ERC2: variants seen among roughly 807,000 people sequenced by gnomAD.
ERC2 encodes ELKS/RAB6-interacting/CAST family member 2.
A neutral mutation model predicts 114.8 loss-of-function variants in ERC2; 42 were observed. The ratio of observed to expected loss-of-function variants is 0.37; its 90% confidence interval spans 0.29 to 0.47. The LOEUF is 0.47. Among genes scored for constraint, ERC2 ranks in the 20% least tolerant of loss-of-function variants. ERC2 has a pLI of 0.99. For synonymous variants in ERC2, 454 were observed against 425.5 expected (o/e 1.07, Z -0.82); for missense variants, 939 against 1,150.7 (o/e 0.82, Z 2.66).
At chr3:56,207,872 A>C (rs956041941) in intron 3 of ERC2, among the ~76,000 whole-genome samples, 2 of 152,160 alleles carry the variant, frequency 1.3e-5, no homozygotes, top group African/African-American at 4.8e-5. Flanking sequence ...TACTTGGAGA[A>C]CTGCACACTT....
At chr3:56,209,686 T>C (rs2048944294) in intron 3 of ERC2, among the ~76,000 whole-genome samples, 1 of 152,188 alleles carries the variant, frequency 6.6e-6, no homozygotes, top group African/African-American at 2.4e-5. Flanking sequence ...AGGGTCTGTC[T>C]GGGGACCCAG....
At chr3:56,383,824 C>T (rs954919989) in intron 2 of ERC2, among the ~76,000 whole-genome samples, 2 of 152,188 alleles carry the variant, frequency 1.3e-5, no homozygotes, top group Non-Finnish European at 2.9e-5. Flanking sequence ...TGAAGCTCCA[C>T]ACCCATTGAA....
rs1016837398 is a variant in ERC2, at chr3:55,769,021, G to A, written c.2565-34103C>T. Among the ~76,000 whole-genome samples, 7 of 152,068 alleles carry A rather than the reference G, an allele frequency of 4.6e-5. No homozygotes were observed. In the South Asian group the frequency reaches 6.2e-4, roughly 14 times the overall value. On this transcript the variant is annotated intron_variant, in intron 14 of 17. Coordinates refer to ENST00000288221, the MANE Select transcript of ERC2 (RefSeq NM_015576.3). ...GACATTGGATTGCATGGGCTCTAAG[G>A]TCCCTTTGGCTCTGAAATTTTAACA...
intron 10 of ERC2, among the ~76,000 whole-genome samples, chr3:55,993,870 C>T (rs1472300875): frequency 1.3e-5 from 2 of 151,952 alleles, no homozygotes; most frequent in African/African-American, 4.8e-5. Flanking sequence ...AGCTAACATA[C>T]CTTTAGGAGT....
intron 2 of ERC2, among the ~76,000 whole-genome samples, chr3:56,313,828 C>T (rs2150403251): frequency 6.6e-6 from 1 of 152,254 alleles, no homozygotes; most frequent in Middle Eastern, 3.4e-3. Context: ...GCTTAAAGGT[C>T]CACAGCAACC....
intron 3 of ERC2, among the ~76,000 whole-genome samples, chr3:56,264,700 G>A (rs1375025356): frequency 6.6e-6 from 1 of 150,732 alleles, no homozygotes; most frequent in East Asian, 1.9e-4. Context: ...CCTACATGTA[G>A]AAAGCCCTAT....
chr3:56,381,924 C>CA (rs1424928042), intron 2 of ERC2, among the ~76,000 whole-genome samples: 9 of 152,132 alleles, frequency 5.9e-5, no homozygotes, highest in African/African-American at 2.2e-4. Flanking sequence ...CCTATACCCT[C>CA]AACCTCTTCG....
At chr3:55,999,476 T>C (rs1013929258) in intron 10 of ERC2, among the ~76,000 whole-genome samples, 2 of 152,020 alleles carry the variant, frequency 1.3e-5, no homozygotes, top group Admixed American at 1.3e-4. Flanking sequence ...TCAGACAGAA[T>C]TGACTATAAA....
chr3:56,194,470 G>A (rs12486927), intron 3 of ERC2, among the ~76,000 whole-genome samples: 19,199 of 151,990 alleles, frequency 0.13, 1,512 homozygotes, highest in African/African-American at 0.21. Context: ...AACAAAGAAA[G>A]CCAAAGGCAT....
chr3:56,091,837 T>C (rs932987824), intron 6 of ERC2, among the ~76,000 whole-genome samples: 1 of 152,186 alleles, frequency 6.6e-6, no homozygotes, highest in Non-Finnish European at 1.5e-5. Flanking sequence ...ATGTCAATGA[T>C]GTATTTATCC....
At chr3:56,238,213 G>A (rs7638923) in intron 3 of ERC2, among the ~76,000 whole-genome samples, 78 of 152,316 alleles carry the variant, frequency 5.1e-4, no homozygotes, top group African/African-American at 1.7e-3. Flanking sequence ...ACTCCAGACC[G>A]GAGGGTGCTG....
At chr3:56,377,442 T>C (rs1432975779) in intron 2 of ERC2, among the ~76,000 whole-genome samples, 1 of 152,206 alleles carries the variant, frequency 6.6e-6, no homozygotes, top group Non-Finnish European at 1.5e-5. Context: ...ATTAAGATTG[T>C]TGCCATAAAT....
intron 17 of ERC2, among the ~76,000 whole-genome samples, chr3:55,638,779 C>T (rs1217391179): frequency 2.6e-5 from 4 of 152,220 alleles, no homozygotes; most frequent in Non-Finnish European, 5.9e-5. Context: ...ATCACTACCA[C>T]TTTGTTCTAA....
intron 1 of ERC2, among the ~76,000 whole-genome samples, chr3:56,462,828 T>C (rs2063375601): frequency 6.6e-6 from 1 of 152,134 alleles, no homozygotes; most frequent in Admixed American, 6.5e-5. Flanking sequence ...AGCTTTTTAG[T>C]TTTATGCAAT....
At chr3:55,701,093 C>T (rs908470202) in intron 15 of ERC2, among the ~76,000 whole-genome samples, 1 of 152,104 alleles carries the variant, frequency 6.6e-6, no homozygotes, top group Non-Finnish European at 1.5e-5. Flanking sequence ...GTTGGCAGAG[C>T]CTCCAACCAG....
chr3:56,316,164 G>C (rs569181245), intron 2 of ERC2, among the ~76,000 whole-genome samples: 1 of 152,104 alleles, frequency 6.6e-6, no homozygotes. Context: ...ACTAGGAGAA[G>C]AGTGAGGCAC....
chr3:55,716,030 GA>G, intron 15 of ERC2, among the ~76,000 whole-genome samples: 1 of 152,158 alleles, frequency 6.6e-6, no homozygotes, highest in Non-Finnish European at 1.5e-5. Flanking sequence ...AAGCTTTCAT[GA>G]GCAGAATGAC....
intron 17 of ERC2, among the ~76,000 whole-genome samples, chr3:55,560,507 G>A (rs2055934101): frequency 6.6e-6 from 1 of 152,130 alleles, no homozygotes; most frequent in Non-Finnish European, 1.5e-5. Flanking sequence ...AGTACATGGA[G>A]AAGAGGGTCC....
intron 3 of ERC2, among the ~76,000 whole-genome samples, chr3:56,213,243 G>C (rs914568756): frequency 6.6e-6 from 1 of 152,142 alleles, no homozygotes; most frequent in Non-Finnish European, 1.5e-5. Context: ...AAGTGCAAGG[G>C]GTCAGGGAAT....
Sources: allele counts gnomAD v4.1 joint callset (sites outside exome capture counted in the v4.1 genomes callset), GRCh38; gene constraint gnomAD v4.1.1; transcripts MANE v1.5; gene names NCBI Gene and HGNC (gene_info 2026-07-23, HGNC 2026-07-21).